FAM184A: variants seen among roughly 807,000 people sequenced by gnomAD.
FAM184A encodes protein FAM184A.
FAM184A carries 99 observed loss-of-function variants against 143.8 expected under a neutral mutation model. That is an observed-to-expected ratio of 0.69 (90% CI 0.58 to 0.81). The LOEUF (loss-of-function observed/expected upper bound fraction) is 0.81. FAM184A is among the 40% of genes least tolerant of loss of function. The pLI is 0.00. For missense variants in FAM184A, 1,217 were observed against 1,310.5 expected, an observed-to-expected ratio of 0.93 and a Z score of 1.10; for synonymous variants, 427 against 446.4, an observed-to-expected ratio of 0.96 and a Z score of 0.55.
At chr6:119,018,570 T>C (rs189987896) in intron 4 of FAM184A, among the ~76,000 whole-genome samples, 273 of 152,296 alleles carry the variant, frequency 1.8e-3, no homozygotes, top group Admixed American at 2.7e-3. Context: ...TGGGGTCTTT[T>C]ACACCAAGAA....
chr6:119,040,444 C>T (rs745334692), intron 1 of FAM184A, among the ~76,000 whole-genome samples: 2 of 152,122 alleles, frequency 1.3e-5, no homozygotes, highest in Non-Finnish European at 2.9e-5. Flanking sequence ...TCCTCTTGGC[C>T]AGAGTGACTC....
chr6:119,022,047 TTC>T (rs1156707415), intron 3 of FAM184A, among the ~76,000 whole-genome samples: 1 of 144,346 alleles, frequency 6.9e-6, no homozygotes, highest in Non-Finnish European at 1.5e-5. Flanking sequence ...TCATTTTTCG[TTC>T]TTTCTTTTTT....
intron 9 of FAM184A, among the ~76,000 whole-genome samples, chr6:118,993,107 A>G (rs1199189575): frequency 6.6e-6 from 1 of 152,240 alleles, no homozygotes; most frequent in Non-Finnish European, 1.5e-5. Flanking sequence ...AGTAAGATCC[A>G]TGTTAACAAA....
intron 1 of FAM184A, among the ~76,000 whole-genome samples, chr6:119,121,686 A>C (rs114184558): frequency 2.2e-3 from 340 of 152,334 alleles, no homozygotes; most frequent in African/African-American, 7.5e-3. Context: ...TTTAAGTGTA[A>C]ATTAACCCAT....
intron 1 of FAM184A, among the ~76,000 whole-genome samples, chr6:119,076,315 G>T (rs1396804667): frequency 6.6e-6 from 1 of 152,166 alleles, no homozygotes; most frequent in African/African-American, 2.4e-5. Flanking sequence ...TTTAGAGACT[G>T]TAACTACAAA....
intron 1 of FAM184A, among the ~76,000 whole-genome samples, chr6:119,110,134 TCCA>T (rs1788895558): frequency 6.6e-6 from 1 of 152,074 alleles, no homozygotes; most frequent in South Asian, 2.1e-4. Flanking sequence ...AAGTAAGCAG[TCCA>T]CCTACAGATG....
chr6:119,136,209 C>A (rs372965258), intron 1 of FAM184A, among the ~76,000 whole-genome samples: 2 of 134,658 alleles, frequency 1.5e-5, no homozygotes, highest in East Asian at 4.8e-4. Context: ...ACCCGGGAAG[C>A]GGAGCTTGCA....
At chr6:119,099,455 G>T (rs546616267) in intron 1 of FAM184A, among the ~76,000 whole-genome samples, 4 of 152,158 alleles carry the variant, frequency 2.6e-5, no homozygotes, top group African/African-American at 7.2e-5. Context: ...CTTGGGGGAA[G>T]AGCTTCCAGT....
intron 1 of FAM184A, among the ~76,000 whole-genome samples, chr6:119,128,919 T>G (rs193042810): frequency 3.4e-4 from 51 of 151,980 alleles, no homozygotes; most frequent in Non-Finnish European, 7.1e-4. Context: ...TGACACCTTT[T>G]AAGGTCCAAT....
intron 17 of FAM184A, chr6:118,960,957 TA>T: frequency 1.8e-6 from 1 of 544,414 alleles, no homozygotes; most frequent in South Asian, 2.4e-5. Flanking sequence ...TCATTCTTGC[TA>T]TTTTTTTTGT....
rs73767209 is a variant in FAM184A, at chr6:118,959,948, T to C, written c.*155A>G. 605 of 528,956 alleles carry C rather than the reference T, an allele frequency of 1.1e-3. 8 individuals carry two copies. Among genetic ancestry groups the C allele is most frequent in the African/African-American group, 0.011 (582 of 52,912 alleles). 32.8% of individuals were successfully genotyped at this position (528,956 alleles called of 1,614,324 possible). On this transcript the variant is annotated 3_prime_UTR_variant, in exon 18 of 18. Coordinates refer to ENST00000338891, the MANE Select transcript of FAM184A (RefSeq NM_024581.6). ...ATAGTACCTTATAGAATGATTCCAA[T>C]AAATATCACAGGAAATACAGTGCAT... is the stretch of plus-strand genomic sequence containing the variant.
rs1464195207 is a variant in FAM184A at position 118,975,943 on chromosome 6, T to C, written c.2557A>G (p.Arg853Gly). ...ELAAAKMELE[R>G]SIDISRRQSK... ...TGTCTTCTGCTGATGTCTATGCTTC[T>C]CTCTAATTCCATTTTAGCAGCTGCC... Residue 853 changes from arginine to glycine, a missense_variant, in exon 12 of 18, where the codon AGA becomes GGA. Arg to Gly is a moderately radical substitution (Grantham distance 125). Coordinates refer to ENST00000338891, the MANE Select transcript of FAM184A (RefSeq NM_024581.6). The C allele has an allele frequency of 6.2e-7, 1 of 1,613,116 alleles. No individual in the cohort carries two copies. Among genetic ancestry groups the C allele is most frequent in the African/African-American group, 1.3e-5 (1 of 75,030 alleles).
At chr6:119,060,991 C>T (rs1250470222) in intron 1 of FAM184A, among the ~76,000 whole-genome samples, 4 of 152,218 alleles carry the variant, frequency 2.6e-5, no homozygotes, top group East Asian at 1.9e-4. Context: ...TGGACTAATA[C>T]ATCTTCCATG....
chr6:119,049,021 A>G (rs1204980844), intron 1 of FAM184A, among the ~76,000 whole-genome samples: 1 of 152,252 alleles, frequency 6.6e-6, no homozygotes, highest in Non-Finnish European at 1.5e-5. Flanking sequence ...TAAAATTCAT[A>G]TGGAACCAAA....
chr6:119,066,581 A>G (rs1389576075), intron 1 of FAM184A, among the ~76,000 whole-genome samples: 1 of 152,224 alleles, frequency 6.6e-6, no homozygotes, highest in Non-Finnish European at 1.5e-5. Context: ...AAGAATAGAG[A>G]GAGCAAATAG....
At chr6:119,116,270 C>T (rs572872122) in intron 1 of FAM184A, among the ~76,000 whole-genome samples, 7 of 152,068 alleles carry the variant, frequency 4.6e-5, no homozygotes, top group South Asian at 2.1e-4. Context: ...AACCAGATAC[C>T]GCATGTCCTC....
intron 1 of FAM184A, among the ~76,000 whole-genome samples, chr6:119,123,435 G>A (rs2114865081): frequency 6.6e-6 from 1 of 152,138 alleles, no homozygotes; most frequent in African/African-American, 2.4e-5. Context: ...AAACAGTAGG[G>A]GCAGTGTTGG....
chr6:119,081,525 T>A (rs1365772230), upstream of FAM184A, among the ~76,000 whole-genome samples: 2 of 152,178 alleles, frequency 1.3e-5, no homozygotes, highest in African/African-American at 4.8e-5. Context: ...GTAGGTGGCT[T>A]GTGTTAGCCA....
intron 1 of FAM184A, among the ~76,000 whole-genome samples, chr6:119,133,967 C>T (rs964337002): frequency 4.6e-5 from 7 of 151,598 alleles, no homozygotes; most frequent in Admixed American, 2.0e-4. Flanking sequence ...CTGGTGTGAA[C>T]CCTCATGCAC....
Sources: allele counts gnomAD v4.1 joint callset (sites outside exome capture counted in the v4.1 genomes callset), GRCh38; gene constraint gnomAD v4.1.1; transcripts MANE v1.5; gene names NCBI Gene and HGNC (gene_info 2026-07-23, HGNC 2026-07-21).